The following TUT4 variants were observed in gnomAD, a reference collection of about 807,000 sequenced individuals.
TUT4 encodes the protein terminal uridylyltransferase 4.
In TUT4, 36 loss-of-function variants were observed where a neutral mutation model predicts 192.2. The ratio of observed to expected loss-of-function variants is 0.19; its 90% CI spans 0.14 to 0.25. TUT4 has a LOEUF of 0.25. TUT4 is among the 10% of genes least tolerant of loss of function. The pLI is 1.00. For synonymous variants in TUT4, 618 were observed against 666.0 expected (o/e 0.93, Z 1.11); for missense variants, 1,493 against 1,957.2 (o/e 0.76, Z 4.47).
At chr1:52,471,008 CTTTTT>C (rs771331613) in intron 14 of TUT4, among the ~76,000 whole-genome samples, 7 of 82,148 alleles carry the variant, frequency 8.5e-5, no homozygotes, top group Admixed American at 5.0e-4. Context: ...GCACTCTATG[CTTTTT>C]TTTTTTTTTT....
intron 9 of TUT4, 144 bp downstream of exon 9, chr1:52,488,765 A>T: frequency 1.2e-6 from 1 of 839,490 alleles, no homozygotes; most frequent in Non-Finnish European, 1.7e-6. Flanking sequence ...TGCCACACCA[A>T]CTTTCTGTCT....
At chr1:52,435,176 C>G in intron 27 of TUT4, 189 bp downstream of exon 27, 1 of 400,838 alleles carries the variant, frequency 2.5e-6, no homozygotes, top group Non-Finnish European at 4.4e-6. Flanking sequence ...TCTCTGTAGA[C>G]AGAAACCCAG....
chr1:52,450,570 A>G (rs910356417), intron 20 of TUT4, among the ~76,000 whole-genome samples: 3 of 152,084 alleles, frequency 2.0e-5, no homozygotes, highest in Admixed American at 2.0e-4. Context: ...AAAAATAATA[A>G]TAAAAGCAAG....
chr1:52,477,673 AT>A (rs781069075), intron 12 of TUT4, 34 bp downstream of exon 12: 1 of 1,570,750 alleles, frequency 6.4e-7, no homozygotes, highest in Non-Finnish European at 8.6e-7. Context: ...CACATAAAAA[AT>A]ATTCTCCAAA....
At chr1:52,487,738 A>C (rs78311431) in intron 9 of TUT4, among the ~76,000 whole-genome samples, 13,268 of 152,218 alleles carry the variant, frequency 0.087, 736 homozygotes, top group East Asian at 0.2. Context: ...CCCCATCTCT[A>C]CTTAAACAAA....
At chr1:52,478,707 A>G (rs137999125) in intron 11 of TUT4, among the ~76,000 whole-genome samples, 2 of 152,336 alleles carry the variant, frequency 1.3e-5, no homozygotes, top group African/African-American at 2.4e-5. Context: ...CAGGGGAATC[A>G]TAACAGAAGA....
intron 4 of TUT4, among the ~76,000 whole-genome samples, chr1:52,505,689 T>G (rs1041357918): frequency 5.3e-5 from 8 of 152,018 alleles, no homozygotes; most frequent in Admixed American, 5.2e-4. Context: ...CCCAAAGTGC[T>G]GGGATTACAG....
intron 20 of TUT4, among the ~76,000 whole-genome samples, chr1:52,449,166 G>A (rs1005158647): frequency 6.6e-6 from 1 of 151,950 alleles, no homozygotes; most frequent in Admixed American, 6.6e-5. Flanking sequence ...TTAGCACTCA[G>A]TCCTCCCTCT....
chr1:52,462,913 G>T, intron 16 of TUT4: 1 of 985,378 alleles, frequency 1.0e-6, no homozygotes, highest in Non-Finnish European at 1.2e-6. Context: ...GAGTTATAAA[G>T]TCATTTGCAT....
chr1:52,443,623 C>G (rs1009339813), intron 24 of TUT4, among the ~76,000 whole-genome samples: 13 of 151,742 alleles, frequency 8.6e-5, no homozygotes, highest in African/African-American at 2.9e-4. Flanking sequence ...TGGGGCTGAG[C>G]ATGGTGGCTG....
At chr1:52,533,779 C>G (rs1421752163) in intron 1 of TUT4, among the ~76,000 whole-genome samples, 1 of 152,080 alleles carries the variant, frequency 6.6e-6, no homozygotes, top group South Asian at 2.1e-4. Context: ...ACTGGCCTGG[C>G]ATGGCGAAAT....
chr1:52,432,089 A>G (rs1652272255), intron 27 of TUT4: 1 of 152,228 alleles, frequency 6.6e-6, no homozygotes, highest in South Asian at 2.1e-4. Flanking sequence ...GGAATACTGT[A>G]CTTTCCAACC....
Position 52,431,408 on chromosome 1 carries a change from G to A in TUT4, c.4316C>T (p.Ser1439Phe). 6.2e-7 allele frequency: 1 copy of A among 1,614,030 alleles called. No homozygotes were observed. The highest frequency in any genetic ancestry group is 8.5e-7 in the Non-Finnish European group (1 of 1,179,966). The change falls in exon 28 of 30, where the codon TCC becomes TTC. Residue 1439 changes from serine to phenylalanine, a missense_variant. Physicochemically the swap from Ser to Phe is radical, Grantham distance 155. Around this residue, in one of 7 missense-constraint regions of TUT4, gnomAD observed 351 missense variants for 397.8 expected, o/e 0.88. Coordinates refer to ENST00000257177, the MANE Select transcript of TUT4 (RefSeq NM_001009881.3). ...PQPQPFPQNS[S>F]QSAAITQPSS... ...AGGCTGAGTAATAGCAGCTGACTGG[G>A]AAGAGTTCTGTGGAAATGGCTGAGG...
intron 12 of TUT4, among the ~76,000 whole-genome samples, chr1:52,476,571 C>T (rs188334096): frequency 6.6e-6 from 1 of 152,134 alleles, no homozygotes; most frequent in Non-Finnish European, 1.5e-5. Context: ...GCATCTGTTA[C>T]TTTTTGCTGC....
rs202041007 is a variant in TUT4 at position 52,497,056 on chromosome 1, C to T, written c.1127G>A (p.Arg376His). 79 of 1,613,798 alleles carry T rather than the reference C, an allele frequency of 4.9e-5. No individual in the cohort carries two copies. In the South Asian group the frequency reaches 5.1e-4, roughly 10 times the overall value. ...TGACATTTCCTCCACAATTTCCTGA[C>T]GGACTCTGAGGTCATCATCTGTTAT... is the stretch of plus-strand genomic sequence containing the variant. ...HGITDDDLRV[R>H]QEIVEEMSKV... is the part of the protein sequence containing the mutation. The change falls in exon 5 of 30, where the codon CGT becomes CAT. Residue 376 changes from arginine to histidine, a missense_variant. Coordinates refer to ENST00000257177, the MANE Select transcript of TUT4 (RefSeq NM_001009881.3).
intron 28 of TUT4, among the ~76,000 whole-genome samples, chr1:52,428,624 TAAAAAAAAAAAAA>T (rs772389695): frequency 4.1e-5 from 3 of 72,904 alleles, no homozygotes. Context: ...AGACTCCCTC[TAAAAAAAAAAAAA>T]AAAAAAAAAA....
chr1:52,477,431 G>A (rs1667390608), intron 12 of TUT4, among the ~76,000 whole-genome samples: 1 of 152,062 alleles, frequency 6.6e-6, no homozygotes, highest in Admixed American at 6.6e-5. Context: ...AAAATTAGCT[G>A]GGCATGGTAG....
chr1:52,491,147 C>G (rs1406056084), intron 7 of TUT4, among the ~76,000 whole-genome samples: 2 of 152,228 alleles, frequency 1.3e-5, no homozygotes, highest in Non-Finnish European at 2.9e-5. Flanking sequence ...ACACCCCTTA[C>G]TCCTGAGAGC....
At chr1:52,482,506 C>T (rs921471253) in intron 9 of TUT4, among the ~76,000 whole-genome samples, 2 of 152,180 alleles carry the variant, frequency 1.3e-5, no homozygotes, top group Non-Finnish European at 2.9e-5. Flanking sequence ...GTGGCATGAT[C>T]ATGACTCACT....
Sources: allele counts gnomAD v4.1 joint callset (sites outside exome capture counted in the v4.1 genomes callset), GRCh38; gene constraint gnomAD v4.1.1; regional missense constraint gnomAD v4.1.1; transcripts MANE v1.5; gene names NCBI Gene and HGNC (gene_info 2026-07-23, HGNC 2026-07-21).